PDCD6IP: variants seen among roughly 807,000 people sequenced by gnomAD.
PDCD6IP encodes programmed cell death 6 interacting protein.
A neutral mutation model predicts 103.7 loss-of-function variants in PDCD6IP; 43 were observed. That is an observed-to-expected ratio of 0.41 (90% CI 0.32 to 0.53). The LOEUF (loss-of-function observed/expected upper bound fraction) is 0.53, where lower values mean the gene tolerates loss of function less well. Among genes scored for constraint, PDCD6IP ranks in the 20% least tolerant of loss-of-function variants. The pLI is 0.16. For synonymous variants in PDCD6IP, 354 were observed against 378.7 expected (o/e 0.93, Z 0.76); for missense variants, 871 against 1,036.7 (o/e 0.84, Z 2.20).
intron 15 of PDCD6IP, among the ~76,000 whole-genome samples, chr3:33,858,693 CCAG>C (rs1274455134): frequency 1.3e-5 from 2 of 151,922 alleles, no homozygotes; most frequent in Admixed American, 1.3e-4. Flanking sequence ...GCCTGTAATC[CCAG>C]CTACTCGAGA....
intron 9 of PDCD6IP, among the ~76,000 whole-genome samples, chr3:33,840,262 A>G (rs1697439501): frequency 6.6e-6 from 1 of 152,364 alleles, no homozygotes. Flanking sequence ...TATATTTACT[A>G]TGATTAAATG....
chr3:33,865,549 A>T (rs1316398887), intron 17 of PDCD6IP, 119 bp downstream of exon 17: 6 of 688,112 alleles, frequency 8.7e-6, no homozygotes, highest in Non-Finnish European at 1.4e-5. Flanking sequence ...AATAAGCTAC[A>T]CTGTCAGCTT....
intron 1 of PDCD6IP, among the ~76,000 whole-genome samples, chr3:33,801,137 C>A (rs745494280): frequency 2.6e-5 from 4 of 152,096 alleles, no homozygotes; most frequent in Non-Finnish European, 5.9e-5. Flanking sequence ...GGAGATATTA[C>A]TAAAGTTTAT....
chr3:33,837,546 T>A (rs1697376846), intron 8 of PDCD6IP, among the ~76,000 whole-genome samples: 1 of 152,076 alleles, frequency 6.6e-6, no homozygotes, highest in African/African-American at 2.4e-5. Context: ...CTAGGAAGTG[T>A]TGGAGCCAGA....
chr3:33,846,793 A>G (rs1176593111), intron 12 of PDCD6IP, among the ~76,000 whole-genome samples: 5 of 152,148 alleles, frequency 3.3e-5, no homozygotes, highest in African/African-American at 1.2e-4. Context: ...CTGTTTGTTT[A>G]TTTATTTATT....
intron 1 of PDCD6IP, among the ~76,000 whole-genome samples, chr3:33,801,175 G>T (rs1696468336): frequency 1.3e-5 from 2 of 152,224 alleles, no homozygotes; most frequent in South Asian, 4.2e-4. Context: ...AAGTTTTGTA[G>T]GTATATACGC....
At chr3:33,818,822 C>G (rs1020061761) in intron 3 of PDCD6IP, among the ~76,000 whole-genome samples, 1 of 152,020 alleles carries the variant, frequency 6.6e-6, no homozygotes, top group Non-Finnish European at 1.5e-5. Context: ...TGGCCAATCC[C>G]TTGCCTTTTA....
At chr3:33,858,246 T>G (rs1290002657) in intron 15 of PDCD6IP, among the ~76,000 whole-genome samples, 1 of 152,176 alleles carries the variant, frequency 6.6e-6, no homozygotes, top group Non-Finnish European at 1.5e-5. Flanking sequence ...AAACAGTATT[T>G]CAAAAAGAAG....
chr3:33,837,656 T>C (rs1010899981), intron 8 of PDCD6IP, among the ~76,000 whole-genome samples: 5 of 151,648 alleles, frequency 3.3e-5, no homozygotes, highest in Non-Finnish European at 7.4e-5. Context: ...TGGTGCAATC[T>C]CGGCTCACTG....
rs1041523913 is a variant in PDCD6IP, at chr3:33,867,581, A to C, written c.*1056A>C. 1 of 152,232 alleles carries C rather than the reference A, an allele frequency of 6.6e-6. No individual in the cohort carries two copies. The highest frequency in any genetic ancestry group is 1.9e-4 in the East Asian group (1 of 5,200). 9.4% of individuals were successfully genotyped at this position (152,232 alleles called of 1,614,324 possible). On this transcript the variant is annotated 3_prime_UTR_variant, in exon 18 of 18. Coordinates refer to ENST00000307296, the MANE Select transcript of PDCD6IP (RefSeq NM_013374.6). ...GTATTTTATAATTCAAGGAGCATAC[A>C]AAACAATGGTTGGGAACATATGCCA...
intron 9 of PDCD6IP, among the ~76,000 whole-genome samples, chr3:33,841,433 CTTTTTTTTTTT>C (rs1301369045): frequency 6.6e-5 from 4 of 60,954 alleles, no homozygotes; most frequent in Admixed American, 5.0e-4. Context: ...CTTTGCTTTG[CTTTTTTTTTTT>C]TTTTTTTTTT....
chr3:33,830,727 G>T (rs574409953), intron 7 of PDCD6IP, among the ~76,000 whole-genome samples: 1 of 152,162 alleles, frequency 6.6e-6, no homozygotes, highest in African/African-American at 2.4e-5. Flanking sequence ...AGTTAACACA[G>T]AACACACTCA....
chr3:33,838,121 T>C lies in PDCD6IP; in HGVS notation c.1058-83T>C, dbSNP rs1697390822. On this transcript the variant is annotated intron_variant, in intron 8 of 17. Coordinates refer to ENST00000307296, the MANE Select transcript of PDCD6IP (RefSeq NM_013374.6). Reference sequence around the variant, plus strand: ...TAAATATTTATAGACTATGTGAATATTGGAAAGAAAATATAAACAGTCACT... The same window carrying C: ...TAAATATTTATAGACTATGTGAATACTGGAAAGAAAATATAAACAGTCACT... The C allele has an allele frequency of 2.1e-5, 26 of 1,237,638 alleles. No individual in the cohort carries two copies. In the South Asian group the frequency reaches 3.2e-4, roughly 15 times the overall value. 76.7% of individuals were successfully genotyped at this position (1,237,638 alleles called of 1,614,324 possible). A position where few individuals can be genotyped will look rare whatever the true frequency, so the allele number is the denominator to read the frequency against.
chr3:33,830,372 T>G (rs1175118032), intron 7 of PDCD6IP, among the ~76,000 whole-genome samples: 2 of 152,202 alleles, frequency 1.3e-5, no homozygotes, highest in African/African-American at 4.8e-5. Flanking sequence ...TTTTCTGGTT[T>G]CTGGGACTAT....
chr3:33,852,675 G>T lies in PDCD6IP; in HGVS notation c.1829G>T (p.Gly610Val). 1 of 1,588,012 alleles carries T rather than the reference G, an allele frequency of 6.3e-7. No individual in the cohort carries two copies. The highest frequency in any genetic ancestry group is 1.7e-4 in the Middle Eastern group (1 of 5,910). Residue 610 changes from glycine (G) to valine (V), a missense_variant, in exon 13 of 18, where the codon GGT (glycine) becomes GTT (valine). Coordinates refer to ENST00000307296, the MANE Select transcript of PDCD6IP (RefSeq NM_013374.6). ...ACTGAACTAGATCGAGTCTATGGAG[G>T]TCTTACAACTAAAGTCCAAGAATCT... is the stretch of plus-strand genomic sequence containing the variant. ...SVTELDRVYG[G>V]LTTKVQESLK...
intron 7 of PDCD6IP, among the ~76,000 whole-genome samples, chr3:33,829,367 C>G (rs994274237): frequency 7.2e-5 from 11 of 152,084 alleles, no homozygotes; most frequent in African/African-American, 2.7e-4. Context: ...AAAAATAATT[C>G]TAAATTAATT....
chr3:33,831,764 GCACA>G (rs60549910), intron 7 of PDCD6IP, among the ~76,000 whole-genome samples: 2 of 148,778 alleles, frequency 1.3e-5, no homozygotes, highest in African/African-American at 4.9e-5. Flanking sequence ...TACATAGACA[GCACA>G]CACACACACA....
Position 33,866,422 on chromosome 3 carries a change from C to T in PDCD6IP, c.2504C>T (p.Pro835Leu), listed in dbSNP as rs1698066337. The change falls in exon 18 of 18, where the codon CCA (proline) becomes CTA (leucine). Residue 835 changes from proline (P) to leucine (L), a missense_variant. Physicochemically the swap from Pro to Leu is moderately conservative, Grantham distance 98. Transcript: ENST00000307296. Reference protein sequence around the residue: ...AYGQYNMPYPPVYHQSPGQAP... With the variant: ...AYGQYNMPYPLVYHQSPGQAP... ...GGCCAGTATAATATGCCATATCCAC[C>T]AGTGTATCACCAGAGTCCTGGACAG... 4 of 1,611,366 alleles carry T rather than the reference C, an allele frequency of 2.5e-6. No individual in the cohort carries two copies. The highest frequency in any genetic ancestry group is 1.3e-5 in the African/African-American group (1 of 74,796).
In PDCD6IP at chr3:33,844,168, T is replaced by C; in HGVS notation, c.1416T>C (p.Phe472=). 1.2e-6 allele frequency: 2 copies of C among 1,608,414 alleles called. No homozygotes were observed. The highest frequency in any genetic ancestry group is 3.4e-5 in the Admixed American group (2 of 57,978). ...CCGATAATGATTTAAGAGCAAAATT[T>C]AAGGAACGTTGGCAAAGGACACCAT... is the stretch of plus-strand genomic sequence containing the variant. ...EATDNDLRAK[F]KERWQRTPSN... Residue 472 remains phenylalanine, a synonymous_variant, in exon 11 of 18, where the codon TTT becomes TTC. Coordinates refer to ENST00000307296, the MANE Select transcript of PDCD6IP (RefSeq NM_013374.6).
Sources: allele counts gnomAD v4.1 joint callset (sites outside exome capture counted in the v4.1 genomes callset), GRCh38; gene constraint gnomAD v4.1.1; transcripts MANE v1.5; gene names NCBI Gene and HGNC (gene_info 2026-07-23, HGNC 2026-07-21).